Variants in MYH13 observed in about 807,000 individuals in gnomAD.
MYH13 encodes myosin-13.
In MYH13, 177 loss-of-function variants were observed where a neutral mutation model predicts 232.1. That is an observed-to-expected ratio of 0.76 (90% confidence interval 0.67 to 0.86). MYH13 has a LOEUF of 0.86. Ranked by LOEUF, MYH13 falls within the 40% of genes least tolerant of loss-of-function variation. MYH13 has a pLI of 0.00. For synonymous variants in MYH13, 884 were observed against 923.5 expected (o/e 0.96, Z 0.78); for missense variants, 2,246 against 2,405.9 (o/e 0.93, Z 1.39).
At position 10,364,507 on chromosome 17, in the gene MYH13, G is replaced by C. The variant is rs1332348024; in HGVS notation, c.24C>G (p.Ala8=). Residue 8 remains alanine (A), a synonymous_variant, in exon 3 of 41, where the codon GCC becomes GCG. Coordinates refer to ENST00000252172, the MANE Select transcript of MYH13 (RefSeq NM_003802.3). ...GGTAGGGAGCTGCTTCTCCAAAAAT[G>C]GCCATTTCTGCGTCAGAGCTCATGA... The part of the protein sequence containing the change: MSSDAEM[A]IFGEAAPYLR... 1 of 1,602,342 alleles carries C rather than the reference G, an allele frequency of 6.2e-7. No individual in the cohort carries two copies. Among genetic ancestry groups the C allele is most frequent in the Non-Finnish European group, 8.5e-7 (1 of 1,173,876 alleles).
Position 10,309,448 on chromosome 17 carries a change from G to T in MYH13, c.4966-11C>A, listed in dbSNP as rs1330300804. The T allele has an allele frequency of 6.3e-7, 1 of 1,599,324 alleles. No homozygotes were observed. Among genetic ancestry groups the T allele is most frequent in the Non-Finnish European group, 8.5e-7 (1 of 1,172,460 alleles). On this transcript the variant is annotated splice_polypyrimidine_tract_variant and intron_variant, in intron 34 of 40. Coordinates refer to ENST00000252172, the MANE Select transcript of MYH13 (RefSeq NM_003802.3). ...ATGCAGCTGGGAGTCCTGCAGGGGA[G>T]ACCCAGAGTGAGGCCAGAGCCGCCT...
Position 10,309,227 on chromosome 17 carries a change from G to T in MYH13, c.5169+7C>A. On this transcript the variant is annotated splice_region_variant and intron_variant, in intron 35 of 40. Coordinates refer to ENST00000252172, the MANE Select transcript of MYH13 (RefSeq NM_003802.3). ...GACCTTCAGCGGAGGAGTGAGGGCC[G>T]ACGCACCTGGGAGTGCAGGAGCTGC... 6.2e-7 allele frequency: 1 copy of T among 1,611,892 alleles called. No homozygotes were observed. Among genetic ancestry groups the T allele is most frequent in the South Asian group, 1.1e-5 (1 of 90,862 alleles).
chr17:10,311,063 G>A, intron 33 of MYH13, 40 bp downstream of exon 33: 1 of 1,611,708 alleles, frequency 6.2e-7, no homozygotes, highest in East Asian at 2.2e-5. Flanking sequence ...TCAGTTCCCT[G>A]TCCTCCTGAA....
intron 11 of MYH13, among the ~76,000 whole-genome samples, chr17:10,351,337 G>A (rs1481578115): frequency 2.0e-5 from 3 of 152,056 alleles, no homozygotes; most frequent in Non-Finnish European, 4.4e-5. Flanking sequence ...AGCTGGGAAT[G>A]TCATGGAGAA....
rs921637391 is a variant in MYH13 at position 10,333,115 on chromosome 17, C to A, written c.2133G>T (p.Lys711Asn). ...CATAGAGGATCCGGCTGGGGAATCC[C>A]TTCCTGCAAATCCGGATGCCCTCGA... ...GVLEGIRICR[K>N]GFPSRILYAD... Residue 711 changes from lysine to asparagine, a missense_variant, in exon 19 of 41, where the codon AAG (lysine) becomes AAT (asparagine). Physicochemically the swap from Lys to Asn is moderately conservative, Grantham distance 94. Coordinates refer to ENST00000252172, the MANE Select transcript of MYH13 (RefSeq NM_003802.3). 9 of 1,551,780 alleles carry A rather than the reference C, an allele frequency of 5.8e-6. No homozygotes were observed. In the Middle Eastern group the frequency reaches 1.0e-3, roughly 173 times the overall value.
intron 8 of MYH13, among the ~76,000 whole-genome samples, chr17:10,356,110 CTG>C (rs1345245048): frequency 5.9e-5 from 9 of 152,250 alleles, no homozygotes; most frequent in Non-Finnish European, 1.2e-4. Flanking sequence ...CTCAACGACA[CTG>C]TGCGCAAATT....
At chr17:10,311,890 C>T (rs1055549659) in intron 32 of MYH13, 21 bp downstream of exon 32, 55 of 1,613,484 alleles carry the variant, frequency 3.4e-5, no homozygotes, top group Admixed American at 5.0e-5. Flanking sequence ...ATAGCACACA[C>T]CAGTGGTGGA....
chr17:10,332,882 A>C (rs11654733), intron 19 of MYH13, among the ~76,000 whole-genome samples, 192 bp downstream of exon 19: 36,477 of 152,154 alleles, frequency 0.24, 4,959 homozygotes, highest in East Asian at 0.51. Context: ...AGGGTCTGGG[A>C]TCTGAATTTG....
chr17:10,314,936 C>T (rs1004422397), intron 29 of MYH13, among the ~76,000 whole-genome samples: 6 of 152,140 alleles, frequency 3.9e-5, no homozygotes, highest in African/African-American at 1.2e-4. Context: ...CATGTTTATG[C>T]GACTGTCTCA....
intron 16 of MYH13, 61 bp downstream of exon 16, chr17:10,343,739 T>C (rs1597384861): frequency 6.7e-7 from 1 of 1,483,896 alleles, no homozygotes; most frequent in South Asian, 1.4e-5. Context: ...CACAAGCAGC[T>C]CTGGGTTAGG....
In MYH13 at chr17:10,320,574, G is replaced by A. The variant is rs1906905187; in HGVS notation, c.3112-78C>T. 1.2e-5 allele frequency: 18 copies of A among 1,484,350 alleles called. No individual in the cohort carries two copies. The South Asian group carries it at 1.4e-4, about 12-fold the overall frequency. 91.9% of individuals were successfully genotyped at this position (1,484,350 alleles called of 1,614,324 possible). A position where few individuals can be genotyped will look rare whatever the true frequency, so the allele number is the denominator to read the frequency against. On this transcript the variant is annotated intron_variant, in intron 24 of 40. Transcript: ENST00000252172. Reference sequence around the variant, plus strand: ...CCGTTTATCCAGTGTAGCCATACACGTGGCCTGGGGCTTCCTGGGGCTCCT... The same window carrying A: ...CCGTTTATCCAGTGTAGCCATACACATGGCCTGGGGCTTCCTGGGGCTCCT...
chr17:10,302,198 T>C (rs1044501255), intron 39 of MYH13, among the ~76,000 whole-genome samples: 13 of 152,126 alleles, frequency 8.5e-5, no homozygotes, highest in African/African-American at 2.4e-4. Context: ...ACTCATCCCA[T>C]GTGCGTGAAT....
chr17:10,307,836 A>G (rs529722199), intron 35 of MYH13, among the ~76,000 whole-genome samples: 15 of 152,218 alleles, frequency 9.9e-5, no homozygotes, highest in Non-Finnish European at 2.2e-4. Context: ...TTCTAGAAAT[A>G]TTAAGATTAT....
chr17:10,305,805 G>A (rs949587976), intron 37 of MYH13, among the ~76,000 whole-genome samples: 24 of 152,214 alleles, frequency 1.6e-4, no homozygotes, highest in South Asian at 2.1e-4. Flanking sequence ...TGCAGGATAC[G>A]CTCCCAGATA....
chr17:10,342,234 A>G (rs2071624089), intron 16 of MYH13, among the ~76,000 whole-genome samples: 1 of 151,882 alleles, frequency 6.6e-6, no homozygotes, highest in East Asian at 1.9e-4. Flanking sequence ...ATCTTATTTT[A>G]TTTTGTTTTA....
chr17:10,358,004 G>A (rs924211711), intron 7 of MYH13, among the ~76,000 whole-genome samples, 177 bp from the exon 8 acceptor site: 5 of 151,692 alleles, frequency 3.3e-5, no homozygotes, highest in African/African-American at 1.2e-4. Context: ...GCGTCTTCAA[G>A]GTACCATCTT....
chr17:10,328,935 C>T (rs146586415), intron 21 of MYH13, among the ~76,000 whole-genome samples: 50 of 152,268 alleles, frequency 3.3e-4, no homozygotes, highest in Non-Finnish European at 5.1e-4. Flanking sequence ...GCCTTGGCCT[C>T]CCAAAGTGCT....
rs1394429661 is a variant in MYH13 at position 10,354,704 on chromosome 17, G to T, written c.981C>A (p.Asp327Glu). ...QGEVTVASIDDSEELLATDNA... is the reference protein window; with the variant it reads ...QGEVTVASIDESEELLATDNA... ...CATCTGTCGCCAGCAGTTCTTCACT[G>T]TCATCGATACTGGCTACCGTGACCT... The change falls in exon 11 of 41, where the codon GAC (aspartate) becomes GAA (glutamate). Residue 327 changes from aspartate to glutamate, a missense_variant. Coordinates refer to ENST00000252172, the MANE Select transcript of MYH13 (RefSeq NM_003802.3). The T allele has an allele frequency of 6.2e-7, 1 of 1,613,824 alleles. No individual in the cohort carries two copies. The highest frequency in any genetic ancestry group is 8.5e-7 in the Non-Finnish European group (1 of 1,179,770).
At chr17:10,322,788 C>A (rs1400308930) in intron 23 of MYH13, among the ~76,000 whole-genome samples, 1 of 152,026 alleles carries the variant, frequency 6.6e-6, no homozygotes, top group Non-Finnish European at 1.5e-5. Flanking sequence ...CGTCCGCCAC[C>A]ACGCCCGGCT....
Sources: allele counts gnomAD v4.1 joint callset (sites outside exome capture counted in the v4.1 genomes callset), GRCh38; gene constraint gnomAD v4.1.1; transcripts MANE v1.5; gene names NCBI Gene and HGNC (gene_info 2026-07-23, HGNC 2026-07-21).